The following HEMK2 variants were observed in gnomAD, a reference collection of about 807,000 sequenced individuals.
HEMK2 encodes HemK methyltransferase 2, ETF1 glutamine and histone H4 lysine.
the HEMK2 span, among the ~76,000 whole-genome samples, chr21:28,692,559 G>T: frequency 1.3e-5 from 2 of 151,832 alleles, no homozygotes; most frequent in Non-Finnish European, 2.9e-5. Flanking sequence ...AATCTAAAAG[G>T]AAATAAACCA....
the HEMK2 span, among the ~76,000 whole-genome samples, chr21:28,772,748 T>A: frequency 1.3e-5 from 2 of 152,154 alleles, no homozygotes; most frequent in Non-Finnish European, 2.9e-5. Flanking sequence ...GACTCCCACA[T>A]CAGCATTAAC....
the HEMK2 span, among the ~76,000 whole-genome samples, chr21:28,623,989 A>C: frequency 2.0e-5 from 3 of 152,242 alleles, no homozygotes; most frequent in African/African-American, 4.8e-5. Context: ...TTAAAAAAAA[A>C]CTCAAATGCC....
At chr21:28,824,985 C>T in the HEMK2 span, among the ~76,000 whole-genome samples, 1 of 152,172 alleles carries the variant, frequency 6.6e-6, no homozygotes, top group Non-Finnish European at 1.5e-5. Flanking sequence ...TTGGGCAAAC[C>T]TGGACAGTCC....
At chr21:28,641,295 G>A in the HEMK2 span, among the ~76,000 whole-genome samples, 1 of 152,188 alleles carries the variant, frequency 6.6e-6, no homozygotes, top group Admixed American at 6.5e-5. Flanking sequence ...GTAATGGAAG[G>A]TGATGTTTTG....
chr21:28,788,475 G>A, the HEMK2 span, among the ~76,000 whole-genome samples: 298 of 152,010 alleles, frequency 2.0e-3, 4 homozygotes, highest in African/African-American at 7.0e-3. Context: ...GCTAAGCTAT[G>A]AGTACAAAAC....
the HEMK2 span, among the ~76,000 whole-genome samples, chr21:28,613,101 T>TAGAA: frequency 3.8e-5 from 5 of 129,962 alleles, no homozygotes; most frequent in African/African-American, 1.2e-4. Context: ...GATAGAAAGA[T>TAGAA]AGATAGATAG....
At chr21:28,767,051 T>C in the HEMK2 span, among the ~76,000 whole-genome samples, 2 of 152,036 alleles carry the variant, frequency 1.3e-5, no homozygotes, top group African/African-American at 4.8e-5. Context: ...AATTGAGTCA[T>C]GGGGCCAGGT....
the HEMK2 span, among the ~76,000 whole-genome samples, chr21:28,660,736 A>C: frequency 6.6e-6 from 1 of 152,016 alleles, no homozygotes; most frequent in Non-Finnish European, 1.5e-5. Context: ...TTTTAAAATC[A>C]AAGTTTGGAG....
the HEMK2 span, among the ~76,000 whole-genome samples, chr21:28,850,701 A>G: frequency 6.6e-6 from 1 of 152,228 alleles, no homozygotes; most frequent in South Asian, 2.1e-4. Context: ...ACTGGCCACC[A>G]CAAAAACACA....
At chr21:28,694,409 G>A in the HEMK2 span, among the ~76,000 whole-genome samples, 1 of 152,162 alleles carries the variant, frequency 6.6e-6, no homozygotes, top group South Asian at 2.1e-4. Context: ...GAAAATCTTA[G>A]TATAGCACTA....
chr21:28,845,349 A>T, the HEMK2 span, among the ~76,000 whole-genome samples: 1 of 152,064 alleles, frequency 6.6e-6, no homozygotes, highest in Non-Finnish European at 1.5e-5. Flanking sequence ...TATTTATACT[A>T]ATATCCAGTA....
chr21:28,683,077 AAAAAT>A, the HEMK2 span, among the ~76,000 whole-genome samples: 148 of 151,194 alleles, frequency 9.8e-4, 1 homozygote, highest in Middle Eastern at 3.4e-3. Flanking sequence ...ATTAAAAAAT[AAAAAT>A]AAAATAAAAT....
chr21:28,598,539 T>A, the HEMK2 span, among the ~76,000 whole-genome samples: 1 of 152,234 alleles, frequency 6.6e-6, no homozygotes, highest in South Asian at 2.1e-4. Flanking sequence ...ACCTGCAAGC[T>A]GATGCCTGGT....
At chr21:28,674,128 G>A in the HEMK2 span, among the ~76,000 whole-genome samples, 3 of 152,174 alleles carry the variant, frequency 2.0e-5, no homozygotes, top group South Asian at 6.2e-4. Flanking sequence ...GGCGACAAGA[G>A]TAATCTCTGG....
the HEMK2 span, among the ~76,000 whole-genome samples, chr21:28,654,799 C>T: frequency 6.6e-6 from 1 of 152,030 alleles, no homozygotes; most frequent in Non-Finnish European, 1.5e-5. Context: ...TTGTTTTCTG[C>T]AATAGGGTTA....
the HEMK2 span, among the ~76,000 whole-genome samples, chr21:28,764,190 G>C: frequency 6.6e-6 from 1 of 151,990 alleles, no homozygotes; most frequent in African/African-American, 2.4e-5. Flanking sequence ...TGGGTACTTA[G>C]CCAACCTAAG....
At chr21:28,873,365 T>C in the HEMK2 span, 2 of 152,250 alleles carry the variant, frequency 1.3e-5, no homozygotes, top group Admixed American at 1.3e-4. Flanking sequence ...ACACAAAATG[T>C]AGTTATAGCA....
chr21:28,661,414 A>G, the HEMK2 span, among the ~76,000 whole-genome samples: 1 of 152,042 alleles, frequency 6.6e-6, no homozygotes, highest in South Asian at 2.1e-4. Context: ...TTATCATATC[A>G]TTAATTTTTA....
At chr21:28,883,106 A>T in the HEMK2 span, 1 of 1,433,934 alleles carries the variant, frequency 7.0e-7, no homozygotes, top group Non-Finnish European at 9.6e-7. Flanking sequence ...AGTATAGTAG[A>T]ATCAAAATAC....
Sources: allele counts gnomAD v4.1 joint callset (sites outside exome capture counted in the v4.1 genomes callset), GRCh38; gene constraint gnomAD v4.1.1; transcripts MANE v1.5; gene names NCBI Gene and HGNC (gene_info 2026-07-23, HGNC 2026-07-21).